The following KIAA1958 variants were observed in gnomAD, a reference collection of about 807,000 sequenced individuals.
The protein encoded by KIAA1958 is KIAA1958, also known as uncharacterized protein KIAA1958.
A neutral mutation model predicts 47.2 loss-of-function variants in KIAA1958; 14 were observed. That is an observed-to-expected ratio of 0.30 (90% confidence interval 0.20 to 0.46). The LOEUF is 0.46. Ranked by LOEUF, KIAA1958 falls within the 20% of genes least tolerant of loss-of-function variation. The probability of loss-of-function intolerance (pLI) is 1.00; values close to 1 mark genes in which losing one functional copy is unlikely to be tolerated. For synonymous variants in KIAA1958, 354 were observed against 353.3 expected (o/e 1.00, Z -0.02); for missense variants, 803 against 909.2 (o/e 0.88, Z 1.50).
rs1489713499 is a variant in KIAA1958, at chr9:112,660,081, G to C, written c.*12G>C. On this transcript the variant is annotated 3_prime_UTR_variant, in exon 4 of 4. Coordinates refer to ENST00000337530, the MANE Select transcript of KIAA1958 (RefSeq NM_133465.4). ...GCTGCTGCCAGTGAGCCCCCACTGGGGCCCGGCCACTGCCCTGTCACCTGC... is the reference window on the plus strand; with the variant it reads ...GCTGCTGCCAGTGAGCCCCCACTGGCGCCCGGCCACTGCCCTGTCACCTGC... The C allele has an allele frequency of 6.2e-7, 1 of 1,608,304 alleles. No individual in the cohort carries two copies. Among genetic ancestry groups the C allele is most frequent in the African/African-American group, 1.3e-5 (1 of 74,850 alleles).
At chr9:112,564,864 G>A (rs1420693816) in intron 1 of KIAA1958, among the ~76,000 whole-genome samples, 1 of 152,108 alleles carries the variant, frequency 6.6e-6, no homozygotes, top group African/African-American at 2.4e-5. Flanking sequence ...GGGCTCTAGA[G>A]TAAGACTTAA....
intron 2 of KIAA1958, among the ~76,000 whole-genome samples, chr9:112,607,772 A>G (rs1836261470): frequency 2.0e-5 from 3 of 151,486 alleles, no homozygotes; most frequent in Admixed American, 6.6e-5. Flanking sequence ...AAAAAGGCAA[A>G]GGCAATCCAG....
At chr9:112,654,386 A>C (rs1837112860) in intron 3 of KIAA1958, among the ~76,000 whole-genome samples, 1 of 152,132 alleles carries the variant, frequency 6.6e-6, no homozygotes, top group Admixed American at 6.6e-5. Context: ...GGCCAATCAG[A>C]ATCCTTCTTT....
At chr9:112,570,821 G>A (rs1835520077) in intron 1 of KIAA1958, among the ~76,000 whole-genome samples, 1 of 152,210 alleles carries the variant, frequency 6.6e-6, no homozygotes. Context: ...CTGCTAGCTG[G>A]AAACCCTGGG....
At chr9:112,522,399 T>C (rs1220821928) in intron 1 of KIAA1958, among the ~76,000 whole-genome samples, 2 of 152,202 alleles carry the variant, frequency 1.3e-5, no homozygotes, top group Non-Finnish European at 2.9e-5. Context: ...GTCACCCAGG[T>C]TTCACCTTGT....
chr9:112,592,155 T>C (rs1396875097), intron 2 of KIAA1958, among the ~76,000 whole-genome samples: 1 of 151,948 alleles, frequency 6.6e-6, no homozygotes, highest in Non-Finnish European at 1.5e-5. Flanking sequence ...GGAATGAGGG[T>C]GGAGTAGGTA....
At chr9:112,560,920 CCTT>C (rs1835316593) in intron 1 of KIAA1958, among the ~76,000 whole-genome samples, 1 of 152,126 alleles carries the variant, frequency 6.6e-6, no homozygotes, top group Non-Finnish European at 1.5e-5. Context: ...CTGTCCCCTC[CCTT>C]CTTCATCTGT....
At chr9:112,540,063 T>A (rs148195532) in intron 1 of KIAA1958, among the ~76,000 whole-genome samples, 69 of 152,336 alleles carry the variant, frequency 4.5e-4, no homozygotes, top group African/African-American at 1.6e-3. Context: ...TACGATTATG[T>A]TAATTGACTT....
chr9:112,636,160 A>G (rs1836801977), intron 2 of KIAA1958, among the ~76,000 whole-genome samples: 1 of 148,650 alleles, frequency 6.7e-6, no homozygotes, highest in Non-Finnish European at 1.5e-5. Context: ...TATATTAAAT[A>G]ATATACTTAT....
intron 2 of KIAA1958, among the ~76,000 whole-genome samples, chr9:112,628,802 A>G (rs111760090): frequency 7.2e-5 from 11 of 152,224 alleles, no homozygotes; most frequent in African/African-American, 2.4e-5. Flanking sequence ...TTTCTAATTT[A>G]TAGAGTTTCC....
At chr9:112,558,408 A>G (rs953890824) in intron 1 of KIAA1958, among the ~76,000 whole-genome samples, 1 of 152,140 alleles carries the variant, frequency 6.6e-6, no homozygotes, top group African/African-American at 2.4e-5. Flanking sequence ...AGATAAGGAC[A>G]TTTTTGTGCT....
At chr9:112,493,232 G>A (rs938089619) in intron 1 of KIAA1958, among the ~76,000 whole-genome samples, 5 of 151,304 alleles carry the variant, frequency 3.3e-5, no homozygotes, top group South Asian at 2.1e-4. Context: ...TTCTTTTCAC[G>A]CATGTCTGAT....
At chr9:112,573,010 C>A (rs1286348961) in intron 1 of KIAA1958, among the ~76,000 whole-genome samples, 1 of 152,074 alleles carries the variant, frequency 6.6e-6, no homozygotes, top group Non-Finnish European at 1.5e-5. Context: ...CCGACAAAAT[C>A]ACACATAAAG....
At chr9:112,584,382 A>C (rs1475133643) in intron 2 of KIAA1958, among the ~76,000 whole-genome samples, 2 of 152,250 alleles carry the variant, frequency 1.3e-5, no homozygotes, top group Non-Finnish European at 2.9e-5. Flanking sequence ...ATGTTTAAAA[A>C]TGTGATTACT....
chr9:112,595,996 G>C (rs1451628926), intron 2 of KIAA1958, among the ~76,000 whole-genome samples: 2 of 152,014 alleles, frequency 1.3e-5, no homozygotes, highest in Non-Finnish European at 2.9e-5. Context: ...TGTTGGTCAG[G>C]CTGGTCTCGA....
intron 1 of KIAA1958, among the ~76,000 whole-genome samples, chr9:112,552,425 C>T (rs1320871022): frequency 1.3e-5 from 2 of 152,146 alleles, no homozygotes; most frequent in African/African-American, 2.4e-5. Context: ...GTTCACAGGC[C>T]TAATGTGTTA....
At chr9:112,509,820 G>A (rs917165600) in intron 1 of KIAA1958, among the ~76,000 whole-genome samples, 6 of 152,132 alleles carry the variant, frequency 3.9e-5, no homozygotes, top group Non-Finnish European at 5.9e-5. Flanking sequence ...GTGAAATTGG[G>A]CAACTAAGAA....
chr9:112,496,352 A>G (rs1225826569), intron 1 of KIAA1958, among the ~76,000 whole-genome samples: 3 of 152,230 alleles, frequency 2.0e-5, no homozygotes, highest in African/African-American at 7.2e-5. Flanking sequence ...ATGTATAGAA[A>G]GTCCTCAAAC....
intron 1 of KIAA1958, among the ~76,000 whole-genome samples, chr9:112,537,908 G>C (rs1834882461): frequency 6.6e-6 from 1 of 152,170 alleles, no homozygotes; most frequent in Non-Finnish European, 1.5e-5. Flanking sequence ...AAGAATGGCA[G>C]TTTGACTAGC....
Sources: allele counts gnomAD v4.1 joint callset (sites outside exome capture counted in the v4.1 genomes callset), GRCh38; gene constraint gnomAD v4.1.1; transcripts MANE v1.5; gene names NCBI Gene and HGNC (gene_info 2026-07-23, HGNC 2026-07-21).